Variants in MYCBP2 observed in about 807,000 individuals in gnomAD.
The protein encoded by MYCBP2 is E3 ubiquitin-protein ligase MYCBP2.
In MYCBP2, 120 loss-of-function variants were observed where a neutral mutation model predicts 525.3. The ratio of observed to expected loss-of-function variants is 0.23; its 90% CI spans 0.20 to 0.27. MYCBP2 has a LOEUF of 0.27. MYCBP2 is among the 10% of genes least tolerant of loss of function. The probability of loss-of-function intolerance (pLI) is 1.00; values close to 1 mark genes in which losing one functional copy is unlikely to be tolerated. For missense variants in MYCBP2, 4,149 were observed against 5,657.1 expected, an observed-to-expected ratio of 0.73 and a Z score of 8.55; for synonymous variants, 1,894 against 1,955.8, an observed-to-expected ratio of 0.97 and a Z score of 0.83.
At chr13:77,189,095 A>G (rs756789031) in intron 29 of MYCBP2, 48 bp from the exon 30 acceptor site, 2 of 1,358,614 alleles carry the variant, frequency 1.5e-6, no homozygotes, top group Non-Finnish European at 2.0e-6. Flanking sequence ...GTCCAATGTC[A>G]TTTTTTCTTT....
chr13:77,108,705 A>ATT (rs756968110), intron 55 of MYCBP2, among the ~76,000 whole-genome samples: 24 of 142,548 alleles, frequency 1.7e-4, no homozygotes, highest in African/African-American at 5.6e-4. Context: ...AAGATACTTT[A>ATT]TTTTTTTTTT....
At chr13:77,180,417 G>T in intron 33 of MYCBP2, 99 bp from the exon 34 acceptor site, 1 of 1,008,036 alleles carries the variant, frequency 9.9e-7, no homozygotes, top group Non-Finnish European at 1.5e-6. Context: ...TTAAAATTCA[G>T]ACTTGAATCA....
chr13:77,094,171 G>C (rs370705989), intron 58 of MYCBP2, among the ~76,000 whole-genome samples: 7 of 152,112 alleles, frequency 4.6e-5, no homozygotes, highest in Admixed American at 4.6e-4. Flanking sequence ...TACACAAAGA[G>C]GACAATTTCC....
chr13:77,256,282 A>C (rs2072177663), intron 14 of MYCBP2, among the ~76,000 whole-genome samples: 2 of 152,092 alleles, frequency 1.3e-5, no homozygotes, highest in African/African-American at 2.4e-5. Context: ...AATTTAAAAC[A>C]TGTCGTGTAA....
intron 51 of MYCBP2, among the ~76,000 whole-genome samples, chr13:77,139,702 T>C (rs1335804775): frequency 6.6e-6 from 1 of 152,128 alleles, no homozygotes; most frequent in African/African-American, 2.4e-5. Context: ...ACCAGAAAAA[T>C]ATACTGTCCA....
intron 59 of MYCBP2, among the ~76,000 whole-genome samples, chr13:77,092,080 T>C (rs1237398480): frequency 4.0e-5 from 1 of 24,776 alleles, no homozygotes; most frequent in African/African-American, 8.8e-5. Context: ...GTATTTTTAA[T>C]GAAAAAAAAA....
chr13:77,307,255 T>A (rs2079556014), intron 1 of MYCBP2, among the ~76,000 whole-genome samples: 2 of 152,176 alleles, frequency 1.3e-5, no homozygotes, highest in South Asian at 2.1e-4. Flanking sequence ...TCATTCACCA[T>A]CCTTGAGATT....
chr13:77,053,137 C>CAAA, intron 80 of MYCBP2, among the ~76,000 whole-genome samples: 1 of 95,968 alleles, frequency 1.0e-5, no homozygotes, highest in Middle Eastern at 5.9e-3. Flanking sequence ...GACCCCGTCT[C>CAAA]AAAAAAAAAA....
chr13:77,159,155 G>T (rs2057566886), intron 44 of MYCBP2, among the ~76,000 whole-genome samples: 1 of 152,018 alleles, frequency 6.6e-6, no homozygotes, highest in Non-Finnish European at 1.5e-5. Flanking sequence ...TCCTGGCTTT[G>T]GACAAATTAT....
chr13:77,189,344 C>A (rs890837057), intron 29 of MYCBP2, among the ~76,000 whole-genome samples: 1 of 152,028 alleles, frequency 6.6e-6, no homozygotes, highest in African/African-American at 2.4e-5. Context: ...AGTAATGCTA[C>A]TATTAATGCT....
At chr13:77,296,468 T>C in intron 2 of MYCBP2, 131 bp downstream of exon 2, 1 of 969,310 alleles carries the variant, frequency 1.0e-6, no homozygotes, top group Non-Finnish European at 1.4e-6. Flanking sequence ...AACCAAATCA[T>C]AAAGGGCTTT....
At chr13:77,315,115 A>G (rs759266714) in intron 1 of MYCBP2, among the ~76,000 whole-genome samples, 3 of 152,224 alleles carry the variant, frequency 2.0e-5, no homozygotes, top group Non-Finnish European at 2.9e-5. Flanking sequence ...GAAAATCTGA[A>G]TAACGCTCTA....
intron 1 of MYCBP2, among the ~76,000 whole-genome samples, chr13:77,325,590 G>A (rs2082190252): frequency 6.6e-6 from 1 of 152,206 alleles, no homozygotes; most frequent in Non-Finnish European, 1.5e-5. Context: ...AAATCTACGC[G>A]CTATTCAGAT....
intron 8 of MYCBP2, among the ~76,000 whole-genome samples, chr13:77,265,701 T>C (rs1427681633): frequency 1.3e-5 from 2 of 152,148 alleles, no homozygotes; most frequent in Non-Finnish European, 2.9e-5. Flanking sequence ...GAGCTATTCC[T>C]ACCCACGAAA....
chr13:77,263,372 T>G (rs1243178582), intron 10 of MYCBP2, among the ~76,000 whole-genome samples: 1 of 151,944 alleles, frequency 6.6e-6, no homozygotes, highest in Non-Finnish European at 1.5e-5. Context: ...CATCCATAAT[T>G]CTCATTAAAT....
chr13:77,080,160 T>G (rs565169624), intron 65 of MYCBP2, among the ~76,000 whole-genome samples: 1 of 152,154 alleles, frequency 6.6e-6, no homozygotes, highest in Non-Finnish European at 1.5e-5. Context: ...GAGGAGGAAA[T>G]AGCTCATATT....
chr13:77,125,225 T>C, intron 54 of MYCBP2, 111 bp downstream of exon 54: 1 of 1,379,386 alleles, frequency 7.2e-7, no homozygotes, highest in Non-Finnish European at 9.8e-7. Context: ...GTTTTGCTTG[T>C]TAAAAAGCAA....
At chr13:77,262,464 G>A (rs2073461354) in intron 10 of MYCBP2, among the ~76,000 whole-genome samples, 1 of 151,866 alleles carries the variant, frequency 6.6e-6, no homozygotes, top group Non-Finnish European at 1.5e-5. Flanking sequence ...TAGGTACCAG[G>A]CATTATACAA....
chr13:77,068,846 C>T lies in MYCBP2; in HGVS notation c.11905-15G>A, dbSNP rs1406388207. The stretch of plus-strand genomic sequence containing the variant: ...TGAGCACACACCTATTTAAAGTTAA[C>T]ACAGAACATGTAAAAATATAGGGTT... On this transcript the variant is annotated splice_polypyrimidine_tract_variant and intron_variant, in intron 69 of 82. Transcript: ENST00000544440. The T allele has an allele frequency of 6.2e-7, 1 of 1,609,222 alleles. No individual in the cohort carries two copies. The highest frequency in any genetic ancestry group is 1.3e-5 in the African/African-American group (1 of 74,770).
Sources: allele counts gnomAD v4.1 joint callset (sites outside exome capture counted in the v4.1 genomes callset), GRCh38; gene constraint gnomAD v4.1.1; transcripts MANE v1.5; gene names NCBI Gene and HGNC (gene_info 2026-07-23, HGNC 2026-07-21).